SUGCT: variants seen among roughly 807,000 people sequenced by gnomAD.
SUGCT encodes the protein succinyl-CoA:glutarate-CoA transferase, also known as succinyl-CoA:glutarate CoA-transferase.
A neutral mutation model predicts 55.0 loss-of-function variants in SUGCT; 41 were observed. That is an observed-to-expected ratio of 0.74 (90% CI 0.58 to 0.97). The LOEUF (loss-of-function observed/expected upper bound fraction) is 0.97, where lower values mean the gene tolerates loss of function less well. Ranked by LOEUF, SUGCT falls within the 50% of genes least tolerant of loss-of-function variation. The pLI is 0.00. For synonymous variants in SUGCT, 187 were observed against 200.4 expected (o/e 0.93, Z 0.56); for missense variants, 568 against 547.8 (o/e 1.04, Z -0.37).
intron 7 of SUGCT, among the ~76,000 whole-genome samples, chr7:40,245,423 A>ATATT (rs1344678220): frequency 1.3e-4 from 7 of 54,582 alleles, no homozygotes; most frequent in Non-Finnish European, 1.7e-4. Flanking sequence ...ATATATATAT[A>ATATT]TTTTTTTTTT....
chr7:40,611,289 T>C (rs1562898727), intron 12 of SUGCT, among the ~76,000 whole-genome samples: 3 of 152,208 alleles, frequency 2.0e-5, no homozygotes, highest in African/African-American at 7.2e-5. Flanking sequence ...ATTATCATAA[T>C]TTATTAGCAA....
At chr7:40,936,851 T>C in the SUGCT span, among the ~76,000 whole-genome samples, 1 of 152,162 alleles carries the variant, frequency 6.6e-6, no homozygotes. Flanking sequence ...ATTTCTTTTT[T>C]GATCCATTGG....
chr7:40,306,005 C>A (rs1193999346), intron 8 of SUGCT, among the ~76,000 whole-genome samples: 3 of 152,036 alleles, frequency 2.0e-5, no homozygotes, highest in African/African-American at 7.2e-5. Context: ...AAAAAGAAAA[C>A]CTTTATTCTT....
chr7:40,684,227 A>G lies in SUGCT; in HGVS notation c.1090-65207A>G, dbSNP rs1031860808. The G allele has an allele frequency of 3.8e-5, 55 of 1,465,834 alleles. No individual in the cohort carries two copies. The Admixed American group carries it at 9.0e-4, about 24-fold the overall frequency. The allele number at this position is 1,465,834 out of a possible 1,614,324, so 90.8% of individuals were successfully genotyped here. On this transcript the variant is annotated intron_variant, in intron 12 of 13. Coordinates refer to ENST00000335693, the MANE Select transcript of SUGCT (RefSeq NM_001193313.2). Reference sequence around the variant, plus strand: ...CTCCATATCAAGGTTTGTGACCTTAATTACATCCATACTTATTCATTTACA... The same window carrying G: ...CTCCATATCAAGGTTTGTGACCTTAGTTACATCCATACTTATTCATTTACA...
chr7:40,476,272 T>TCCA (rs1790668712), intron 11 of SUGCT, among the ~76,000 whole-genome samples: 1 of 152,180 alleles, frequency 6.6e-6, no homozygotes, highest in African/African-American at 2.4e-5. Flanking sequence ...AGGCTCTGTG[T>TCCA]CAAGGCTATG....
chr7:40,538,129 TGCTTTAGGTA>T (rs1211616882), intron 12 of SUGCT: 1 of 151,662 alleles, frequency 6.6e-6, no homozygotes, highest in Non-Finnish European at 1.5e-5. Flanking sequence ...CCATAAACTG[TGCTTTAGGTA>T]GTCCAGTTTT....
chr7:40,833,672 G>A (rs2128780817), intron 13 of SUGCT, among the ~76,000 whole-genome samples: 1 of 152,282 alleles, frequency 6.6e-6, no homozygotes, highest in South Asian at 2.1e-4. Flanking sequence ...ATAGCCACCT[G>A]CTTTGGGATC....
At chr7:40,833,043 T>A (rs1045109646) in intron 13 of SUGCT, among the ~76,000 whole-genome samples, 8 of 151,972 alleles carry the variant, frequency 5.3e-5, no homozygotes, top group African/African-American at 1.9e-4. Flanking sequence ...CGGGCCATCA[T>A]CCCTTGACAG....
chr7:40,624,799 ACACACACACACACG>A (rs1451060283), intron 12 of SUGCT, among the ~76,000 whole-genome samples: 250 of 147,474 alleles, frequency 1.7e-3, no homozygotes, highest in African/African-American at 5.2e-3. Flanking sequence ...ACACACACAC[ACACACACACACACG>A]CACACCACAA....
At chr7:40,711,958 A>G (rs1365676337) in intron 12 of SUGCT, among the ~76,000 whole-genome samples, 2 of 152,194 alleles carry the variant, frequency 1.3e-5, no homozygotes, top group Non-Finnish European at 2.9e-5. Flanking sequence ...AGGTGTTCAC[A>G]TCCTCACTCT....
chr7:40,628,727 CTGTGTGTGTGTG>C (rs111460243), intron 12 of SUGCT, among the ~76,000 whole-genome samples: 4 of 147,614 alleles, frequency 2.7e-5, no homozygotes, highest in Middle Eastern at 3.5e-3. Context: ...GTGTTTTGTT[CTGTGTGTGTGTG>C]TGTGTGTGTG....
chr7:40,367,988 C>T (rs1269100043), intron 9 of SUGCT, among the ~76,000 whole-genome samples: 1 of 152,146 alleles, frequency 6.6e-6, no homozygotes, highest in Non-Finnish European at 1.5e-5. Flanking sequence ...AGTCACTCCT[C>T]TTCTAGCCTC....
chr7:40,915,329 A>G, the SUGCT span, among the ~76,000 whole-genome samples: 1 of 152,194 alleles, frequency 6.6e-6, no homozygotes, highest in Admixed American at 6.5e-5. Context: ...TTCAAGGATC[A>G]TGACTCAACA....
At chr7:40,328,719 ATG>A (rs928260446) in intron 9 of SUGCT, among the ~76,000 whole-genome samples, 4 of 151,022 alleles carry the variant, frequency 2.6e-5, no homozygotes, top group East Asian at 1.9e-4. Context: ...GTACATGTGT[ATG>A]TGTGTGTGTA....
the SUGCT span, among the ~76,000 whole-genome samples, chr7:40,993,411 A>G: frequency 1.3e-5 from 2 of 152,274 alleles, no homozygotes; most frequent in South Asian, 2.1e-4. Context: ...GAGGCTTACA[A>G]ATGGACCTGA....
At chr7:40,627,385 G>A (rs923985042) in intron 12 of SUGCT, among the ~76,000 whole-genome samples, 2 of 152,144 alleles carry the variant, frequency 1.3e-5, no homozygotes, top group Non-Finnish European at 2.9e-5. Flanking sequence ...ATGAAGTGGT[G>A]GCCCACAATC....
the SUGCT span, among the ~76,000 whole-genome samples, chr7:40,981,728 T>A: frequency 6.6e-6 from 1 of 152,198 alleles, no homozygotes. Flanking sequence ...TACAAAACAT[T>A]AGAACATGAA....
At chr7:40,852,801 T>C (rs550120187) in intron 13 of SUGCT, among the ~76,000 whole-genome samples, 1 of 152,056 alleles carries the variant, frequency 6.6e-6, no homozygotes, top group Non-Finnish European at 1.5e-5. Flanking sequence ...GATTGCAATA[T>C]TATTCCATTT....
At chr7:40,940,355 T>C in the SUGCT span, among the ~76,000 whole-genome samples, 2,245 of 152,214 alleles carry the variant, frequency 0.015, 23 homozygotes, top group Non-Finnish European at 0.022. Context: ...TTGCCTTGGC[T>C]ATTTGGGCTC....
Sources: gnomAD v4.1 joint callset for allele counts (sites outside exome capture counted in the v4.1 genomes callset) on GRCh38, gnomAD v4.1.1 for gene constraint, MANE v1.5 for transcripts, NCBI Gene and HGNC (gene_info 2026-07-23, HGNC 2026-07-21) for gene names.